Variants in DNAAF9 observed in about 807,000 individuals in gnomAD.
DNAAF9 encodes the protein shulin.
DNAAF9 carries 90 observed loss-of-function variants against 167.0 expected under a neutral mutation model. That is an observed-to-expected ratio of 0.54 (90% CI 0.45 to 0.64). The LOEUF (loss-of-function observed/expected upper bound fraction) is 0.64, where lower values mean the gene tolerates loss of function less well. DNAAF9 is among the 30% of genes least tolerant of loss of function. DNAAF9 has a pLI of 0.00. For missense variants in DNAAF9, 1,315 were observed against 1,442.2 expected, an observed-to-expected ratio of 0.91 and a Z score of 1.43; for synonymous variants, 491 against 508.8, an observed-to-expected ratio of 0.96 and a Z score of 0.47.
At chr20:3,362,433 C>T (rs1032488736) in intron 6 of DNAAF9, 1 of 420,468 alleles carries the variant, frequency 2.4e-6, no homozygotes, top group Non-Finnish European at 4.1e-6. Context: ...TTCCAATTTG[C>T]TTTCTTATTA....
At position 3,296,951 on chromosome 20, in the gene DNAAF9, T is replaced by TA. The variant is rs751993009; in HGVS notation, c.1930-3dup. 36 of 1,577,276 alleles carry TA rather than the reference T, an allele frequency of 2.3e-5. No individual in the cohort carries two copies. The highest frequency in any genetic ancestry group is 2.9e-5 in the Non-Finnish European group (33 of 1,147,392). ...CTGCTGTTTCCAGAGGGAGAAGACC[T>TA]AAACAAAACAGAATTTGAGCAAAGA... On this transcript the variant is annotated splice_region_variant and splice_polypyrimidine_tract_variant and intron_variant, in intron 22 of 36. Coordinates refer to ENST00000252032, the MANE Select transcript of DNAAF9 (RefSeq NM_001009984.3).
chr20:3,280,322 G>A (rs962950697), intron 28 of DNAAF9, among the ~76,000 whole-genome samples: 9 of 152,180 alleles, frequency 5.9e-5, no homozygotes, highest in Non-Finnish European at 1.2e-4. Context: ...CAGCACTTTT[G>A]GAGGCTGAGA....
In DNAAF9 at chr20:3,287,807, T is replaced by G; in HGVS notation, c.2328-17A>C. 6.2e-7 allele frequency: 1 copy of G among 1,613,644 alleles called. No homozygotes were observed. Among genetic ancestry groups the G allele is most frequent in the South Asian group, 1.1e-5 (1 of 91,046 alleles). ...ACCATCCATCTGGAAAGGTAAAAGG[T>G]AACCTCTGCATGGGGGCCACCTGAT... is the stretch of plus-strand genomic sequence containing the variant. On this transcript the variant is annotated splice_polypyrimidine_tract_variant and intron_variant, in intron 26 of 36. Transcript: ENST00000252032.
chr20:3,314,176 T>C (rs947023266), intron 20 of DNAAF9, among the ~76,000 whole-genome samples: 1 of 152,158 alleles, frequency 6.6e-6, no homozygotes. Context: ...CTCATTTACA[T>C]GGGACTTAGA....
chr20:3,287,105 T>C (rs2068865208), intron 27 of DNAAF9, among the ~76,000 whole-genome samples: 1 of 152,170 alleles, frequency 6.6e-6, no homozygotes, highest in Non-Finnish European at 1.5e-5. Flanking sequence ...AGAGACTTCA[T>C]GAGCTAGTCA....
chr20:3,348,211 T>A (rs2070234997), intron 8 of DNAAF9, among the ~76,000 whole-genome samples: 1 of 151,996 alleles, frequency 6.6e-6, no homozygotes, highest in African/African-American at 2.4e-5. Context: ...TATCTGGAGG[T>A]TATACTGACA....
intron 3 of DNAAF9, among the ~76,000 whole-genome samples, chr20:3,377,990 G>T (rs1427967725): frequency 6.6e-6 from 1 of 152,288 alleles, no homozygotes; most frequent in African/African-American, 2.4e-5. Flanking sequence ...AATGTTGACA[G>T]CAAGAATTTC....
intron 26 of DNAAF9, among the ~76,000 whole-genome samples, chr20:3,289,297 A>C (rs531485102): frequency 6.6e-6 from 1 of 150,744 alleles, no homozygotes; most frequent in South Asian, 2.1e-4. Context: ...TTAAAAAATT[A>C]GTTAGGTGTG....
In DNAAF9 at chr20:3,315,608, G is replaced by T; in HGVS notation, c.1590+127C>A. 1.3e-6 allele frequency: 1 copy of T among 754,760 alleles called. No homozygotes were observed. The allele number at this position is 754,760 out of a possible 1,614,324, so 46.8% of individuals were successfully genotyped here. A position where few individuals can be genotyped will look rare whatever the true frequency, so the allele number is the denominator to read the frequency against. ...GCTGGGAAGGGGAGGAATGCAAATA[G>T]GAAGTGAAGACAACATAGTGCAAGT... On this transcript the variant is annotated intron_variant, in intron 19 of 36. Transcript: ENST00000252032. The surrounding 1 kb of genome is among the most constrained non-coding windows in gnomAD (Gnocchi z 4.1).
intron 1 of DNAAF9, among the ~76,000 whole-genome samples, chr20:3,394,942 CTTTTTTCTTTTTTTTTTTTTTTTTTTTT>C (rs2083881071): frequency 2.2e-5 from 2 of 89,020 alleles, no homozygotes; most frequent in African/African-American, 7.8e-5. Context: ...TGAACATTTT[CTTTTTTCTTTTTTTTTTTTTTTTTTTTT>C]TTTTTTTTTT....
rs779171093 is a variant in DNAAF9 at position 3,352,905 on chromosome 20, CATATGAAATAATTCT to C, written c.691-4297_691-4283del. 3.4e-3 allele frequency among the ~76,000 whole-genome samples: 500 copies of C among 147,790 alleles called. 1 individual carries two copies. The highest frequency in any genetic ancestry group is 6.4e-3 in the Non-Finnish European group (431 of 67,138). ...ACATGTTATATATATATGTAAATTC[CATATGAAATAATTCT>C]ATATGAAATGTTATTTTATGTATAT... On this transcript the variant is annotated intron_variant, in intron 7 of 36. Coordinates refer to ENST00000252032, the MANE Select transcript of DNAAF9 (RefSeq NM_001009984.3).
chr20:3,286,830 G>A (rs909805839), intron 27 of DNAAF9, among the ~76,000 whole-genome samples: 1 of 152,154 alleles, frequency 6.6e-6, no homozygotes, highest in Non-Finnish European at 1.5e-5. Flanking sequence ...CACTAACATA[G>A]CACAAAAGCA....
At chr20:3,269,370 G>A (rs1044251203) in intron 30 of DNAAF9, among the ~76,000 whole-genome samples, 5 of 151,984 alleles carry the variant, frequency 3.3e-5, no homozygotes, top group African/African-American at 4.8e-5. Flanking sequence ...AACCATGCTG[G>A]CTGTTTTTTT....
chr20:3,382,403 T>C (rs1568640868), intron 2 of DNAAF9, 24 bp downstream of exon 2: 3 of 1,596,974 alleles, frequency 1.9e-6, no homozygotes, highest in South Asian at 1.1e-5. Flanking sequence ...AAGCCCTGAG[T>C]CCCACCTTGT....
chr20:3,254,162 T>A (rs185454209), intron 35 of DNAAF9, among the ~76,000 whole-genome samples: 26 of 152,304 alleles, frequency 1.7e-4, no homozygotes, highest in Admixed American at 1.4e-3. Flanking sequence ...CACTGCAACC[T>A]CCATCTCCTG....
At chr20:3,293,949 G>C (rs1253008465) in intron 25 of DNAAF9, among the ~76,000 whole-genome samples, 190 bp downstream of exon 25, 1 of 151,960 alleles carries the variant, frequency 6.6e-6, no homozygotes, top group African/African-American at 2.4e-5. Context: ...GGTTAATGTA[G>C]ACACCTGACA....
At chr20:3,300,422 T>A (rs187178102) in intron 21 of DNAAF9, among the ~76,000 whole-genome samples, 1 of 152,100 alleles carries the variant, frequency 6.6e-6, no homozygotes, top group East Asian at 1.9e-4. Flanking sequence ...CCCTAGTACT[T>A]TACTCTTTTT....
chr20:3,286,758 G>A (rs918356623), intron 27 of DNAAF9, among the ~76,000 whole-genome samples: 14 of 152,192 alleles, frequency 9.2e-5, no homozygotes, highest in South Asian at 2.1e-4. Flanking sequence ...TCACAGCCAG[G>A]ACACCAAAGG....
chr20:3,259,444 A>G lies in DNAAF9; in HGVS notation c.3055+36T>C, dbSNP rs762859257. On this transcript the variant is annotated intron_variant, in intron 33 of 36. Transcript: ENST00000252032. ...TCACATCATGAGATGCAAGCACTCC[A>G]TGGTGTAGAGCTCCCAAATCCCAGC... 17 of 1,300,850 alleles carry G rather than the reference A, an allele frequency of 1.3e-5. 1 individual carries two copies. In the South Asian group the frequency reaches 1.9e-4, roughly 14 times the overall value. 80.6% of individuals were successfully genotyped at this position (1,300,850 alleles called of 1,614,324 possible).
Sources: gnomAD v4.1 joint callset for allele counts (sites outside exome capture counted in the v4.1 genomes callset) on GRCh38, gnomAD v4.1.1 for gene constraint, Gnocchi (gnomAD v3.1) non-coding constraint, MANE v1.5 for transcripts, NCBI Gene and HGNC (gene_info 2026-07-23, HGNC 2026-07-21) for gene names.